GRIK4: variants seen among roughly 807,000 people sequenced by gnomAD.
GRIK4 encodes glutamate receptor ionotropic, kainate 4.
In GRIK4, 40 loss-of-function variants were observed where a neutral mutation model predicts 104.9. That is an observed-to-expected ratio of 0.38 (90% CI 0.30 to 0.50). The LOEUF (loss-of-function observed/expected upper bound fraction) is 0.50. Among genes scored for constraint, GRIK4 ranks in the 20% least tolerant of loss-of-function variants. GRIK4 has a pLI of 0.93. For synonymous variants in GRIK4, 485 were observed against 524.9 expected, an observed-to-expected ratio of 0.92 and a Z score of 1.04; for missense variants, 1,047 against 1,308.1, an observed-to-expected ratio of 0.80 and a Z score of 3.08.
chr11:120,556,416 T>C (rs1948186179), intron 1 of GRIK4, among the ~76,000 whole-genome samples: 1 of 152,100 alleles, frequency 6.6e-6, no homozygotes, highest in African/African-American at 2.4e-5. Flanking sequence ...AGTAAAGCTT[T>C]TAAAATGTAA....
At chr11:120,973,930 C>T (rs2134772063) in intron 19 of GRIK4, among the ~76,000 whole-genome samples, 1 of 149,412 alleles carries the variant, frequency 6.7e-6, no homozygotes, top group Non-Finnish European at 1.5e-5. Context: ...TTTTTTGAGA[C>T]AGATTCTCAT....
chr11:120,933,716 T>A (rs1943529217), intron 13 of GRIK4, among the ~76,000 whole-genome samples: 1 of 152,190 alleles, frequency 6.6e-6, no homozygotes, highest in Non-Finnish European at 1.5e-5. Context: ...TCACATAATA[T>A]TGATAGGCTG....
At chr11:120,516,152 G>C (rs976763242) in intron 1 of GRIK4, among the ~76,000 whole-genome samples, 1 of 152,228 alleles carries the variant, frequency 6.6e-6, no homozygotes, top group African/African-American at 2.4e-5. Flanking sequence ...GGGATGGGGC[G>C]GTTGTGGAGT....
intron 3 of GRIK4, among the ~76,000 whole-genome samples, chr11:120,777,744 C>T (rs1403532117): frequency 6.6e-6 from 1 of 152,140 alleles, no homozygotes; most frequent in African/African-American, 2.4e-5. Context: ...CGAGACCAGC[C>T]TGGCCAACAT....
chr11:120,526,484 C>T (rs943584731), intron 1 of GRIK4, among the ~76,000 whole-genome samples: 2 of 152,220 alleles, frequency 1.3e-5, no homozygotes, highest in Non-Finnish European at 2.9e-5. Flanking sequence ...AGGTGTGAGC[C>T]GCTGTGCCCA....
chr11:120,542,400 A>G (rs1055372854), intron 1 of GRIK4, among the ~76,000 whole-genome samples: 5 of 152,362 alleles, frequency 3.3e-5, no homozygotes, highest in Middle Eastern at 3.4e-3. Context: ...CTTGCCAGTG[A>G]TTTTTTGGGT....
intron 9 of GRIK4, among the ~76,000 whole-genome samples, chr11:120,864,303 C>G (rs566858924): frequency 6.6e-6 from 1 of 151,694 alleles, no homozygotes; most frequent in Non-Finnish European, 1.5e-5. Context: ...TGCAGTGGCG[C>G]GATCTCGGCT....
chr11:120,712,933 C>A (rs1302809939), intron 3 of GRIK4, among the ~76,000 whole-genome samples: 1 of 152,180 alleles, frequency 6.6e-6, no homozygotes, highest in Non-Finnish European at 1.5e-5. Context: ...CCTTCTTTTG[C>A]TGGTCTGTTA....
chr11:120,554,541 C>G (rs1029421317), intron 1 of GRIK4, among the ~76,000 whole-genome samples: 1 of 151,900 alleles, frequency 6.6e-6, no homozygotes, highest in Non-Finnish European at 1.5e-5. Context: ...CTCTCTGTCG[C>G]TCTCTTTTTT....
At chr11:120,777,566 G>A (rs1335724825) in intron 3 of GRIK4, among the ~76,000 whole-genome samples, 3 of 152,258 alleles carry the variant, frequency 2.0e-5, no homozygotes, top group Admixed American at 6.5e-5. Context: ...TGCCCCGGCT[G>A]TAGTGGGGGC....
At chr11:120,596,144 C>T (rs1948799224) in intron 1 of GRIK4, among the ~76,000 whole-genome samples, 1 of 152,250 alleles carries the variant, frequency 6.6e-6, no homozygotes, top group Admixed American at 6.5e-5. Context: ...CTGTGCCCGA[C>T]CGGGATGGCT....
chr11:120,920,624 T>C (rs1943207836), intron 13 of GRIK4, among the ~76,000 whole-genome samples: 1 of 151,546 alleles, frequency 6.6e-6, no homozygotes. Context: ...CCCTCACATA[T>C]TCCCCCCAGG....
In GRIK4 at chr11:120,632,781, TG is replaced by T. The variant is rs200444260; in HGVS notation, c.-158-20903del. 1.3e-3 allele frequency among the ~76,000 whole-genome samples: 193 copies of T among 152,272 alleles called. 4 individuals are homozygous for T. The East Asian group carries it at 0.028, about 22-fold the overall frequency. ...ACCACCAGCATCCCCCAGAGGCTTC[TG>T]TGTGCTCAGAGTTGATAAGCCCTTC... On this transcript the variant is annotated intron_variant, in intron 1 of 20. Transcript: ENST00000527524.
chr11:120,825,015 C>T (rs1226413866), intron 6 of GRIK4, among the ~76,000 whole-genome samples: 1 of 152,112 alleles, frequency 6.6e-6, no homozygotes, highest in Admixed American at 6.6e-5. Flanking sequence ...ACCTCTGCTT[C>T]CTGGGTTCAA....
intron 1 of GRIK4, among the ~76,000 whole-genome samples, chr11:120,652,754 C>T (rs764353244): frequency 6.0e-4 from 91 of 152,296 alleles, no homozygotes; most frequent in Non-Finnish European, 2.5e-4. Context: ...CTATCAGCCT[C>T]CTCTCTGACC....
At chr11:120,841,507 G>A (rs1394741705) in intron 8 of GRIK4, among the ~76,000 whole-genome samples, 3 of 152,070 alleles carry the variant, frequency 2.0e-5, no homozygotes, top group Non-Finnish European at 4.4e-5. Context: ...TTGTGTATCC[G>A]TTCATTCATC....
chr11:120,647,776 C>T (rs925500638), intron 1 of GRIK4, among the ~76,000 whole-genome samples: 12 of 152,348 alleles, frequency 7.9e-5, no homozygotes, highest in African/African-American at 2.6e-4. Context: ...AAAGCGGCTT[C>T]GCTGTGGCCG....
At chr11:120,705,747 A>C (rs948189955) in intron 3 of GRIK4, among the ~76,000 whole-genome samples, 1 of 152,056 alleles carries the variant, frequency 6.6e-6, no homozygotes, top group African/African-American at 2.4e-5. Context: ...ATTTATTCCT[A>C]GGTATTTTGT....
intron 2 of GRIK4, among the ~76,000 whole-genome samples, chr11:120,659,921 G>A (rs1375951332): frequency 1.3e-5 from 2 of 152,144 alleles, no homozygotes; most frequent in African/African-American, 2.4e-5. Flanking sequence ...TAGTAGAGAC[G>A]GGGTTTTGCC....
Sources: allele counts gnomAD v4.1 joint callset (sites outside exome capture counted in the v4.1 genomes callset), GRCh38; gene constraint gnomAD v4.1.1; transcripts MANE v1.5; gene names NCBI Gene and HGNC (gene_info 2026-07-23, HGNC 2026-07-21).